Variants in SLC12A6 observed in about 807,000 individuals in gnomAD.
SLC12A6 encodes solute carrier family 12 member 6.
SLC12A6 carries 66 observed loss-of-function variants against 135.3 expected under a neutral mutation model. The ratio of observed to expected loss-of-function variants is 0.49; its 90% CI spans 0.40 to 0.60. The LOEUF is 0.60. SLC12A6 is among the 20% of genes least tolerant of loss of function. The pLI is 0.00. For missense variants in SLC12A6, 1,058 were observed against 1,452.3 expected (o/e 0.73, Z 4.41); for synonymous variants, 513 against 508.8 (o/e 1.01, Z -0.11).
chr15:34,230,032 TAC>T lies in SLC12A6; in HGVS notation c.*3847_*3848del, dbSNP rs1289034698. On this transcript the variant is annotated 3_prime_UTR_variant, in exon 26 of 26. Coordinates refer to ENST00000354181, the MANE Select transcript of SLC12A6 (RefSeq NM_001365088.1). Reference sequence around the variant, plus strand: ...TAGAAAACTTTATTTTTGTTTCCAGTACAGAGCAAAACAACAACAAAAAAACA... The same window carrying T: ...TAGAAAACTTTATTTTTGTTTCCAGTAGAGCAAAACAACAACAAAAAAACA... The T allele has an allele frequency of 2.0e-6, 1 of 502,092 alleles. No individual in the cohort carries two copies. Among genetic ancestry groups the T allele is most frequent in the African/African-American group, 2.0e-5 (1 of 50,552 alleles). 31.1% of individuals were successfully genotyped at this position (502,092 alleles called of 1,614,324 possible).
In SLC12A6 at chr15:34,307,333, C is replaced by T. The variant is rs536580410; in HGVS notation, c.271+29077G>A. Among the ~76,000 whole-genome samples, 37 of 152,158 alleles carry T rather than the reference C, an allele frequency of 2.4e-4. 1 individual carries two copies. Among genetic ancestry groups the T allele is most frequent in the Admixed American group, 7.2e-4 (11 of 15,276 alleles). On this transcript the variant is annotated intron_variant, in intron 2 of 25. Coordinates refer to ENST00000354181, the MANE Select transcript of SLC12A6 (RefSeq NM_001365088.1). ...AACTTTTCCGAATTTGAAATTTCCA[C>T]AATAAAAAATAAAATATGTAATTTT... is the stretch of plus-strand genomic sequence containing the variant.
chr15:34,250,576 G>A (rs1892317116), intron 12 of SLC12A6, 55 bp downstream of exon 12: 5 of 975,926 alleles, frequency 5.1e-6, no homozygotes, highest in Non-Finnish European at 8.4e-6. Flanking sequence ...TGATCATCTA[G>A]TTCTACTGGA....
At chr15:34,238,642 T>C (rs1000678749) in intron 20 of SLC12A6, 8 of 600,820 alleles carry the variant, frequency 1.3e-5, no homozygotes, top group Non-Finnish European at 2.1e-5. Flanking sequence ...AGGGGGGATA[T>C]GTGAATTTGA....
intron 18 of SLC12A6, 26 bp from the exon 19 acceptor site, chr15:34,240,855 A>C (rs1361843246): frequency 6.3e-7 from 1 of 1,592,850 alleles, no homozygotes; most frequent in African/African-American, 1.3e-5. Flanking sequence ...TGGGGGTTGG[A>C]GGGGAGGAGA....
chr15:34,309,234 T>C (rs1421600056), intron 2 of SLC12A6, among the ~76,000 whole-genome samples: 1 of 152,164 alleles, frequency 6.6e-6, no homozygotes, highest in Non-Finnish European at 1.5e-5. Flanking sequence ...TTCTTTAAAT[T>C]TACCAGCTTA....
intron 13 of SLC12A6, among the ~76,000 whole-genome samples, chr15:34,248,188 C>A (rs1296051159): frequency 6.6e-6 from 1 of 152,058 alleles, no homozygotes; most frequent in Non-Finnish European, 1.5e-5. Context: ...ATAATTTAAT[C>A]ATTCTACTAG....
At position 34,271,238 on chromosome 15, in the gene SLC12A6, A is replaced by G. The variant is rs181212145; in HGVS notation, c.316+4107T>C. Among the ~76,000 whole-genome samples the G allele has an allele frequency of 2.6e-3, 401 of 152,284 alleles. 5 individuals carry two copies. The highest frequency in any genetic ancestry group is 7.9e-4 in the Non-Finnish European group (54 of 68,028). ...AGTGAATTATATAAATTAACTTTCA[A>G]TATTAAACCAACCATGGATTTCTAG... On this transcript the variant is annotated intron_variant, in intron 3 of 25. Coordinates refer to ENST00000354181, the MANE Select transcript of SLC12A6 (RefSeq NM_001365088.1).
At chr15:34,267,230 CTCT>C (rs1247809888) in intron 3 of SLC12A6, among the ~76,000 whole-genome samples, 2 of 141,848 alleles carry the variant, frequency 1.4e-5, no homozygotes, top group South Asian at 4.9e-4. Flanking sequence ...TCCCAGTAGT[CTCT>C]TTTTAAAAAA....
chr15:34,258,621 G>A (rs1892911942), intron 5 of SLC12A6, among the ~76,000 whole-genome samples, 192 bp downstream of exon 5: 1 of 152,204 alleles, frequency 6.6e-6, no homozygotes, highest in African/African-American at 2.4e-5. Flanking sequence ...CTTAAGGACT[G>A]TATCCCCACA....
In SLC12A6 at chr15:34,252,348, T is replaced by C. The variant is rs1473530978; in HGVS notation, c.1155A>G (p.Arg385=). The C allele has an allele frequency of 6.2e-7, 1 of 1,613,004 alleles. No individual in the cohort carries two copies. The highest frequency in any genetic ancestry group is 1.7e-5 in the Admixed American group (1 of 60,008). Residue 385 remains arginine (R), a synonymous_variant, in exon 10 of 26, where the codon AGA becomes AGG. Coordinates refer to ENST00000354181, the MANE Select transcript of SLC12A6 (RefSeq NM_001365088.1). ...CMLGNRTLSS[R]HIDVCSKTKE... is the part of the protein sequence containing the mutation. The stretch of plus-strand genomic sequence containing the variant: ...TGGTCTTAGAGCAAACGTCAATGTG[T>C]CTTGATGAAAGGGTGCGGTTACCCA...
intron 3 of SLC12A6, among the ~76,000 whole-genome samples, chr15:34,263,426 G>C (rs934060487): frequency 6.6e-6 from 1 of 152,000 alleles, no homozygotes; most frequent in Admixed American, 6.5e-5. Context: ...AGGTTTGTGG[G>C]GGAGTTGAAA....
In SLC12A6 at chr15:34,230,557, G is replaced by A. The variant is rs1566792902; in HGVS notation, c.*3324C>T. ...GAAGGCAGAGGGTCAGCAGGAGGAT[G>A]TGTATTTCTAATCTACCCTGGTAAA... On this transcript the variant is annotated 3_prime_UTR_variant, in exon 26 of 26. Transcript: ENST00000354181. 6.6e-6 allele frequency: 1 copy of A among 152,664 alleles called. No homozygotes were observed. The highest frequency in any genetic ancestry group is 1.5e-5 in the Non-Finnish European group (1 of 68,040). 9.5% of individuals were successfully genotyped at this position (152,664 alleles called of 1,614,324 possible).
At chr15:34,313,476 A>G (rs1888407441) in intron 2 of SLC12A6, among the ~76,000 whole-genome samples, 1 of 152,226 alleles carries the variant, frequency 6.6e-6, no homozygotes, top group Non-Finnish European at 1.5e-5. Flanking sequence ...AGCTAACAGA[A>G]GTTGGTTCAT....
At chr15:34,294,343 C>A (rs1895738267) in intron 2 of SLC12A6, among the ~76,000 whole-genome samples, 1 of 152,166 alleles carries the variant, frequency 6.6e-6, no homozygotes, top group African/African-American at 2.4e-5. Flanking sequence ...AGCAATTCTC[C>A]TGCCTCAGCC....
At chr15:34,244,552 A>G (rs1266344056) in intron 15 of SLC12A6, among the ~76,000 whole-genome samples, 1 of 152,156 alleles carries the variant, frequency 6.6e-6, no homozygotes, top group East Asian at 1.9e-4. Context: ...TCCAGGTAAA[A>G]GTTCCAGGAC....
intron 3 of SLC12A6, among the ~76,000 whole-genome samples, chr15:34,274,913 A>G (rs1894196628): frequency 6.6e-6 from 1 of 152,150 alleles, no homozygotes; most frequent in African/African-American, 2.4e-5. Context: ...ATAGATAAGG[A>G]ACTGGAACAC....
chr15:34,254,235 A>C (rs1276070997), intron 9 of SLC12A6, 113 bp downstream of exon 9: 1 of 1,144,580 alleles, frequency 8.7e-7, no homozygotes, highest in East Asian at 2.3e-5. Flanking sequence ...GGCTTATCTG[A>C]GAGGGAAAAT....
chr15:34,273,406 T>C (rs1894094441), intron 3 of SLC12A6, among the ~76,000 whole-genome samples: 1 of 152,150 alleles, frequency 6.6e-6, no homozygotes, highest in Non-Finnish European at 1.5e-5. Flanking sequence ...GGTCAGGACC[T>C]TGGTGATCAG....
At chr15:34,245,918 G>C (rs760743395) in intron 13 of SLC12A6, 51 bp from the exon 14 acceptor site, 5 of 1,430,536 alleles carry the variant, frequency 3.5e-6, no homozygotes, top group South Asian at 3.5e-5. Context: ...ACTTTAGACT[G>C]AAAGACTAGA....
Sources: allele counts gnomAD v4.1 joint callset (sites outside exome capture counted in the v4.1 genomes callset), GRCh38; gene constraint gnomAD v4.1.1; transcripts MANE v1.5; gene names NCBI Gene and HGNC (gene_info 2026-07-23, HGNC 2026-07-21).